The following RRP15 variants were observed in gnomAD, a reference collection of about 807,000 sequenced individuals.
RRP15 encodes ribosomal RNA processing 15 homolog, also known as RRP15-like protein.
In RRP15, 18 loss-of-function variants were observed where a neutral mutation model predicts 27.1. That is an observed-to-expected ratio of 0.66 (90% CI 0.46 to 0.98). RRP15 has a LOEUF of 0.98. Among genes scored for constraint, RRP15 ranks in the 50% least tolerant of loss-of-function variants. The pLI is 0.00. For synonymous variants in RRP15, 107 were observed against 109.4 expected, an observed-to-expected ratio of 0.98 and a Z score of 0.14; for missense variants, 359 against 337.8, an observed-to-expected ratio of 1.06 and a Z score of -0.49.
rs558318406 is a variant in RRP15 at position 218,305,830 on chromosome 1, G to A, written c.503+705G>A. On this transcript the variant is annotated intron_variant, in intron 3 of 4. Coordinates refer to ENST00000366932, the MANE Select transcript of RRP15 (RefSeq NM_016052.4). ...AATCCATCTCGGTGTTACACAGTGC[G>A]ATAGCGTGGTGTGGTGAATAAGGGC... Among the ~76,000 whole-genome samples the A allele has an allele frequency of 3.3e-5, 5 of 152,140 alleles. No homozygotes were observed. The South Asian group carries it at 8.3e-4, about 25-fold the overall frequency.
intron 4 of RRP15, among the ~76,000 whole-genome samples, chr1:218,314,110 C>T (rs1196309254): frequency 6.6e-6 from 1 of 152,120 alleles, no homozygotes; most frequent in Middle Eastern, 3.4e-3. Context: ...CCACCTAGGC[C>T]TCCCAAAGTG....
chr1:218,300,408 C>T (rs185021272), intron 1 of RRP15, among the ~76,000 whole-genome samples: 165 of 152,040 alleles, frequency 1.1e-3, no homozygotes, highest in African/African-American at 3.3e-3. Context: ...TTACTTGAAA[C>T]GTATTAATGT....
At chr1:218,287,364 T>G (rs541832218) in intron 1 of RRP15, among the ~76,000 whole-genome samples, 55 of 152,272 alleles carry the variant, frequency 3.6e-4, no homozygotes, top group Admixed American at 3.1e-3. Context: ...AAATGCTGAT[T>G]AGGTTTTAAG....
intron 2 of RRP15, 23 bp downstream of exon 2, chr1:218,302,582 T>G (rs528151989): frequency 3.7e-6 from 6 of 1,602,202 alleles, no homozygotes; most frequent in Non-Finnish European, 5.1e-6. Context: ...AGTTCTCTTG[T>G]AGATTAGATT....
intron 4 of RRP15, among the ~76,000 whole-genome samples, chr1:218,328,387 G>A (rs139939813): frequency 6.6e-6 from 1 of 152,296 alleles, no homozygotes; most frequent in Non-Finnish European, 1.5e-5. Flanking sequence ...TGTGGGCTGG[G>A]CACGGTGGCT....
intron 4 of RRP15, among the ~76,000 whole-genome samples, chr1:218,315,190 A>T (rs145131704): frequency 2.3e-3 from 353 of 152,258 alleles, no homozygotes; most frequent in African/African-American, 8.0e-3. Context: ...TTTGTCATAA[A>T]TGGCAACCTT....
At chr1:218,320,730 G>T (rs1656174563) in intron 4 of RRP15, among the ~76,000 whole-genome samples, 1 of 151,534 alleles carries the variant, frequency 6.6e-6, no homozygotes, top group Non-Finnish European at 1.5e-5. Flanking sequence ...TATCTCAGGG[G>T]CCGTAAATGA....
At chr1:218,309,604 AC>A (rs1655958069) in intron 4 of RRP15, among the ~76,000 whole-genome samples, 1 of 141,942 alleles carries the variant, frequency 7.0e-6, no homozygotes, top group Non-Finnish European at 1.5e-5. Context: ...AATCTCTTGA[AC>A]CCGGGAGGCA....
chr1:218,331,301 G>A lies in RRP15; in HGVS notation c.*210G>A, dbSNP rs942503217. On this transcript the variant is annotated 3_prime_UTR_variant, in exon 5 of 5. Transcript: ENST00000366932. ...GTATAATTTTAAGCATTGTTCCTCA[G>A]AACATTTGTAAAAGGATATATTTCT... 1 of 393,888 alleles carries A rather than the reference G, an allele frequency of 2.5e-6. No individual in the cohort carries two copies. The highest frequency in any genetic ancestry group is 2.1e-5 in the African/African-American group (1 of 48,644). The allele number at this position is 393,888 out of a possible 1,614,324, so 24.4% of individuals were successfully genotyped here. A position where few individuals can be genotyped will look rare whatever the true frequency, so the allele number is the denominator to read the frequency against.
chr1:218,336,272 A>T lies in RRP15; in HGVS notation c.*5181A>T, dbSNP rs2102521493. On this transcript the variant is annotated 3_prime_UTR_variant, in exon 5 of 5. Coordinates refer to ENST00000366932, the MANE Select transcript of RRP15 (RefSeq NM_016052.4). ...AAAACACACACACACACACACACAA[A>T]ACCCTGAAGAGCACAATGAGCATTA... is the stretch of plus-strand genomic sequence containing the variant. The T allele has an allele frequency of 1.3e-5, 2 of 152,696 alleles. 1 individual carries two copies. Among genetic ancestry groups the T allele is most frequent in the South Asian group, 4.1e-4 (2 of 4,820 alleles). 9.5% of individuals were successfully genotyped at this position (152,696 alleles called of 1,614,324 possible). A position where few individuals can be genotyped will look rare whatever the true frequency, so the allele number is the denominator to read the frequency against.
chr1:218,291,145 T>TA (rs1655631601), intron 1 of RRP15, among the ~76,000 whole-genome samples: 1 of 149,050 alleles, frequency 6.7e-6, no homozygotes, highest in Non-Finnish European at 1.5e-5. Flanking sequence ...TCCCAAAAAA[T>TA]AAAAAATTTA....
intron 4 of RRP15, among the ~76,000 whole-genome samples, chr1:218,323,094 G>A (rs537887821): frequency 2.2e-4 from 34 of 152,326 alleles, no homozygotes; most frequent in African/African-American, 7.5e-4. Flanking sequence ...AGTAACTGCA[G>A]AGCCCTAAAG....
At position 218,331,040 on chromosome 1, in the gene RRP15, T is replaced by A. The variant is rs536456594; in HGVS notation, c.798T>A (p.Ser266Arg). The change falls in exon 5 of 5, where the codon AGT (serine) becomes AGA (arginine). Residue 266 changes from serine to arginine, a missense_variant. Physicochemically the swap from Ser to Arg is moderately radical, Grantham distance 110. Coordinates refer to ENST00000366932, the MANE Select transcript of RRP15 (RefSeq NM_016052.4). ...CTATGAAAGACTGGGACAAGGAAAGTGATGGGCCAGATGACAGCAGACCAG... is the reference window on the plus strand; with the variant it reads ...CTATGAAAGACTGGGACAAGGAAAGAGATGGGCCAGATGACAGCAGACCAG... ...GASMKDWDKE[S>R]DGPDDSRPES... 1 of 1,613,710 alleles carries A rather than the reference T, an allele frequency of 6.2e-7. No individual in the cohort carries two copies.
intron 4 of RRP15, among the ~76,000 whole-genome samples, chr1:218,329,500 A>G (rs1006170396): frequency 6.6e-6 from 1 of 152,218 alleles, no homozygotes; most frequent in African/African-American, 2.4e-5. Flanking sequence ...TTGTAGAAAT[A>G]AATGAAAAGT....
At chr1:218,291,993 A>G (rs923433185) in intron 1 of RRP15, among the ~76,000 whole-genome samples, 1 of 152,054 alleles carries the variant, frequency 6.6e-6, no homozygotes, top group Non-Finnish European at 1.5e-5. Context: ...GCGTGCCATC[A>G]TGTCCAGCTA....
chr1:218,308,432 G>T (rs1311699105), intron 4 of RRP15, among the ~76,000 whole-genome samples: 1 of 151,824 alleles, frequency 6.6e-6, no homozygotes, highest in East Asian at 1.9e-4. Flanking sequence ...TTTTATAAGC[G>T]GTGGGTTTCT....
At chr1:218,324,003 T>C (rs938095108) in intron 4 of RRP15, among the ~76,000 whole-genome samples, 13 of 152,188 alleles carry the variant, frequency 8.5e-5, no homozygotes, top group African/African-American at 3.1e-4. Flanking sequence ...CTTGGGTTGC[T>C]GCAGCTATTC....
At chr1:218,304,704 C>A (rs1655868669) in intron 2 of RRP15, among the ~76,000 whole-genome samples, 1 of 152,170 alleles carries the variant, frequency 6.6e-6, no homozygotes, top group Non-Finnish European at 1.5e-5. Flanking sequence ...ATGCTTCCCT[C>A]TGATGATCTG....
chr1:218,308,054 C>A (rs371169739), intron 4 of RRP15, among the ~76,000 whole-genome samples: 1 of 75,598 alleles, frequency 1.3e-5, no homozygotes, highest in South Asian at 5.3e-4. Context: ...TCAGTAGTTT[C>A]TTTCTTTCTT....
Sources: gnomAD v4.1 joint callset for allele counts (sites outside exome capture counted in the v4.1 genomes callset) on GRCh38, gnomAD v4.1.1 for gene constraint, MANE v1.5 for transcripts, NCBI Gene and HGNC (gene_info 2026-07-23, HGNC 2026-07-21) for gene names.